Variants in C16orf92 observed in about 807,000 individuals in gnomAD.
The protein encoded by C16orf92 is fertilization-influencing membrane protein 1, also known as fertilization-influencing membrane protein.
C16orf92 carries 14 observed loss-of-function variants against 13.7 expected under a neutral mutation model. That is an observed-to-expected ratio of 1.02 (90% confidence interval 0.67 to 1.60). The LOEUF is 1.60. Ranked by LOEUF, C16orf92 falls within the 40% of genes most tolerant of loss-of-function variation. The pLI is 0.00. For synonymous variants in C16orf92, 50 were observed against 57.4 expected (o/e 0.87, Z 0.58); for missense variants, 116 against 139.0 (o/e 0.83, Z 0.83).
At chr16:30,027,591 G>A (rs981667498), downstream of C16orf92, 2 of 455,978 alleles carry the variant, frequency 4.4e-6, no homozygotes, top group African/African-American at 4.0e-5. Flanking sequence ...TCTATTTTGT[G>A]TTGTTTTTCA....
chr16:30,027,563 A>G (rs545898999), downstream of C16orf92: 26 of 456,040 alleles, frequency 5.7e-5, no homozygotes, highest in South Asian at 3.4e-4. Flanking sequence ...CCCTGCCCCA[A>G]AGTCACCCAA....
downstream of C16orf92, chr16:30,025,694 T>C (rs373930637): frequency 5.2e-5 from 84 of 1,607,226 alleles, no homozygotes; most frequent in Admixed American, 1.1e-3. This position sits in a 1 kb window ranked among gnomAD's most constrained non-coding sequence, Gnocchi z 4.1. Flanking sequence ...GACCTCCCCA[T>C]TGGGCTCCTG....
At chr16:30,026,849 G>C (rs772353223), downstream of C16orf92, 1 of 1,612,620 alleles carries the variant, frequency 6.2e-7, no homozygotes, top group African/African-American at 1.3e-5. Flanking sequence ...AGTGTCTGTT[G>C]GGCAGAGAGA....
At chr16:30,025,311 G>A (rs2071067882), downstream of C16orf92, 1 of 1,565,374 alleles carries the variant, frequency 6.4e-7, no homozygotes, top group Non-Finnish European at 8.7e-7. The surrounding 1 kb of genome is among the most constrained non-coding windows in gnomAD (Gnocchi z 4.1). Context: ...AGGTTGACGT[G>A]GGCAGGGATG....
rs2070996702 is a variant in C16orf92 at position 30,024,447 on chromosome 16, T to G, written c.*220T>G. On this transcript the variant is annotated 3_prime_UTR_variant, in exon 4 of 4. Transcript: ENST00000681219. Reference sequence around the variant, plus strand: ...CTTGGTGGCGTTCACGCAGATCGTCTTTTATTAGCGGTCTGTAAAGCACCT... The same window carrying G: ...CTTGGTGGCGTTCACGCAGATCGTCGTTTATTAGCGGTCTGTAAAGCACCT... The G allele has an allele frequency of 1.5e-6, 1 of 648,426 alleles. No individual in the cohort carries two copies. The highest frequency in any genetic ancestry group is 1.8e-5 in the African/African-American group (1 of 54,782). 40.2% of individuals were successfully genotyped at this position (648,426 alleles called of 1,614,324 possible).
Position 30,023,213 on chromosome 16 carries a change from C to G in C16orf92, c.-128C>G. 1.3e-6 allele frequency: 1 copy of G among 777,290 alleles called. No individual in the cohort carries two copies. The highest frequency in any genetic ancestry group is 1.7e-5 in the African/African-American group (1 of 57,842). The allele number at this position is 777,290 out of a possible 1,614,324, so 48.1% of individuals were successfully genotyped here. On this transcript the variant is annotated 5_prime_UTR_variant, in exon 1 of 4. Transcript: ENST00000681219. The stretch of plus-strand genomic sequence containing the variant: ...TGGTCCCAACCTCTCTTCTCCTCTC[C>G]TCTTCTGATGAGAGTGAGGGATGGG...
downstream of C16orf92, chr16:30,025,204 CG>C: frequency 6.7e-7 from 1 of 1,485,096 alleles, no homozygotes; most frequent in Non-Finnish European, 8.9e-7. The surrounding 1 kb of genome is among the most constrained non-coding windows in gnomAD (Gnocchi z 4.1). Flanking sequence ...CCTGGCAGGC[CG>C]GGGGCGGCCG....
At chr16:30,025,633 G>T (rs762872467), downstream of C16orf92, 3 of 1,483,148 alleles carry the variant, frequency 2.0e-6, no homozygotes, top group South Asian at 3.4e-5. The surrounding 1 kb of genome is among the most constrained non-coding windows in gnomAD (Gnocchi z 4.1). Flanking sequence ...GGGGGATGAC[G>T]AAGGGGCTAG....
At position 30,023,303 on chromosome 16, in the gene C16orf92, C is replaced by T. The variant is rs1378580957; in HGVS notation, c.-38C>T. On this transcript the variant is annotated 5_prime_UTR_variant, in exon 1 of 4. Transcript: ENST00000681219. ...AAAGTGCCATCAGAACAGCTCTGGGCTGTGACATCACAGAGCCCCCACCTC... is the reference window on the plus strand; with the variant it reads ...AAAGTGCCATCAGAACAGCTCTGGGTTGTGACATCACAGAGCCCCCACCTC... 1 of 1,561,232 alleles carries T rather than the reference C, an allele frequency of 6.4e-7. No individual in the cohort carries two copies. The highest frequency in any genetic ancestry group is 1.2e-5 in the South Asian group (1 of 85,676).
chr16:30,024,142 C>T (rs2070978820), intron 3 of C16orf92, 56 bp downstream of exon 3: 2 of 1,609,866 alleles, frequency 1.2e-6, no homozygotes, highest in Non-Finnish European at 8.5e-7. Flanking sequence ...TTGGGAGCGG[C>T]TGAAGACCCC....
chr16:30,023,638 G>A (rs766530455), intron 1 of C16orf92, 89 bp from the exon 2 acceptor site: 2 of 1,606,828 alleles, frequency 1.2e-6, no homozygotes, highest in Non-Finnish European at 1.7e-6. Flanking sequence ...AGGCTGGGTG[G>A]TCTCACAGGG....
Position 30,024,080 on chromosome 16 carries a change from C to T in C16orf92, c.305C>T (p.Thr102Ile). ...TTCTTTCTCCTTTTCCAGTTCTGCA[C>T]CCACATGTAAGGCCTGCCCCCTTTC... ...AFFFLLFQFCTHINFQKGA is the reference protein window; with the variant it reads ...AFFFLLFQFCIHINFQKGA The change falls in exon 3 of 4, where the codon ACC (threonine) becomes ATC (isoleucine). Residue 102 changes from threonine (T) to isoleucine (I), a missense_variant. Physicochemically the swap from Thr to Ile is moderately conservative, Grantham distance 89. Coordinates refer to ENST00000681219, the MANE Select transcript of C16orf92 (RefSeq NM_001109659.2). 6.2e-7 allele frequency: 1 copy of T among 1,613,072 alleles called. No individual in the cohort carries two copies. The highest frequency in any genetic ancestry group is 1.1e-5 in the South Asian group (1 of 91,060).
chr16:30,023,456 A>T, intron 1 of C16orf92, 52 bp downstream of exon 1: 2 of 1,566,028 alleles, frequency 1.3e-6, no homozygotes, highest in Non-Finnish European at 1.7e-6. Context: ...TGGGAGCATA[A>T]AGTGTGATGC....
downstream of C16orf92, chr16:30,025,624 G>A (rs765786816): frequency 9.5e-6 from 14 of 1,469,784 alleles, no homozygotes; most frequent in African/African-American, 1.1e-4. The surrounding 1 kb of genome is among the most constrained non-coding windows in gnomAD (Gnocchi z 4.1). Flanking sequence ...GGGGTGAGGG[G>A]GGGATGACGA....
downstream of C16orf92, chr16:30,026,940 G>A: frequency 9.4e-7 from 1 of 1,058,964 alleles, no homozygotes; most frequent in Non-Finnish European, 1.4e-6. Flanking sequence ...CCCTGGACAG[G>A]AGCGGAGTCT....
chr16:30,025,610 G>T (rs2071089561), downstream of C16orf92: 1 of 1,464,302 alleles, frequency 6.8e-7, no homozygotes, highest in Non-Finnish European at 9.6e-7. This position sits in a 1 kb window ranked among gnomAD's most constrained non-coding sequence, Gnocchi z 4.1. Flanking sequence ...TGCTCAAAAT[G>T]CACGGGGTGA....
downstream of C16orf92, chr16:30,025,411 G>A (rs761269398): frequency 6.2e-7 from 1 of 1,612,188 alleles, no homozygotes; most frequent in Non-Finnish European, 8.5e-7. The surrounding 1 kb of genome is among the most constrained non-coding windows in gnomAD (Gnocchi z 4.1). Flanking sequence ...AGCAGAGGAA[G>A]CTGAGCAGCA....
Position 30,024,587 on chromosome 16 carries a change from G to A in C16orf92, c.*360G>A, listed in dbSNP as rs1022759146. 6 of 318,606 alleles carry A rather than the reference G, an allele frequency of 1.9e-5. No homozygotes were observed. Among genetic ancestry groups the A allele is most frequent in the African/African-American group, 6.4e-5 (3 of 47,000 alleles). 19.7% of individuals were successfully genotyped at this position (318,606 alleles called of 1,614,324 possible). A position where few individuals can be genotyped will look rare whatever the true frequency, so the allele number is the denominator to read the frequency against. On this transcript the variant is annotated 3_prime_UTR_variant, in exon 4 of 4. Transcript: ENST00000681219. ...CGATGGTGAGGGACTGGGCGCCCTC[G>A]CCTGCCCCCGGGGTTGTCAGCACTG...
At chr16:30,027,480 C>A, downstream of C16orf92, 1 of 435,442 alleles carries the variant, frequency 2.3e-6, no homozygotes, top group Non-Finnish European at 4.7e-6. Flanking sequence ...TCATCCCCAC[C>A]ATCCCCAGAA....
Sources: allele counts gnomAD v4.1 joint callset, GRCh38; gene constraint gnomAD v4.1.1; non-coding constraint Gnocchi (gnomAD v3.1); transcripts MANE v1.5; gene names NCBI Gene and HGNC (gene_info 2026-07-23, HGNC 2026-07-21).